Variants in TSPAN12 observed in about 807,000 individuals in gnomAD.
The protein encoded by TSPAN12 is tetraspanin 12, also known as tetraspanin-12.
In TSPAN12, 19 loss-of-function variants were observed where a neutral mutation model predicts 39.2. That is an observed-to-expected ratio of 0.49 (90% confidence interval 0.34 to 0.71). TSPAN12 has a LOEUF of 0.71. Ranked by LOEUF, TSPAN12 falls within the 30% of genes least tolerant of loss-of-function variation. The probability of loss-of-function intolerance (pLI) is 0.01; values close to 1 mark genes in which losing one functional copy is unlikely to be tolerated. For missense variants in TSPAN12, 314 were observed against 359.9 expected (o/e 0.87, Z 1.03); for synonymous variants, 119 against 124.8 (o/e 0.95, Z 0.31).
intron 5 of TSPAN12, among the ~76,000 whole-genome samples, chr7:120,810,925 A>C (rs1195973267): frequency 2.0e-5 from 3 of 152,212 alleles, no homozygotes; most frequent in Non-Finnish European, 2.9e-5. Flanking sequence ...CTGCAGAGAA[A>C]TGTCCTTCAT....
intron 4 of TSPAN12, among the ~76,000 whole-genome samples, chr7:120,816,732 T>C (rs1423556682): frequency 6.6e-6 from 1 of 152,092 alleles, no homozygotes; most frequent in East Asian, 1.9e-4. Context: ...TCAAAGGTTC[T>C]GAATAGGGGA....
chr7:120,848,519 G>A (rs1322085987), intron 2 of TSPAN12, among the ~76,000 whole-genome samples: 1 of 152,188 alleles, frequency 6.6e-6, no homozygotes. Flanking sequence ...AAGTTTTCCA[G>A]AAGAAAGATG....
At chr7:120,802,425 T>G (rs1255480612) in intron 7 of TSPAN12, among the ~76,000 whole-genome samples, 1 of 152,122 alleles carries the variant, frequency 6.6e-6, no homozygotes, top group Non-Finnish European at 1.5e-5. Flanking sequence ...CTTAAGTAAC[T>G]CCCTCACCAA....
intron 7 of TSPAN12, among the ~76,000 whole-genome samples, chr7:120,793,671 T>G (rs1051451995): frequency 3.3e-5 from 5 of 152,210 alleles, no homozygotes; most frequent in Admixed American, 6.5e-5. Flanking sequence ...ACAAGTTGTC[T>G]AAAAGAAATG....
chr7:120,790,825 T>A (rs776650650), intron 7 of TSPAN12, among the ~76,000 whole-genome samples: 1 of 152,198 alleles, frequency 6.6e-6, no homozygotes. Context: ...TTAATTTGCA[T>A]GGCAACTTCA....
At position 120,788,792 on chromosome 7, in the gene TSPAN12, G is replaced by A; in HGVS notation, c.718C>T (p.Leu240Phe). The change falls in exon 8 of 8, where the codon CTC becomes TTC. Residue 240 changes from leucine to phenylalanine, a missense_variant. Transcript: ENST00000222747. Reference sequence around the variant, plus strand: ...AGAGCCCAGAGCAGAGTAATGGTGAGAATCATGGCCAGGATTTGTGTCACC... The same window carrying A: ...AGAGCCCAGAGCAGAGTAATGGTGAAAATCATGGCCAGGATTTGTGTCACC... ...IGVTQILAMI[L>F]TITLLWALYY... 6.2e-7 allele frequency: 1 copy of A among 1,614,124 alleles called. No individual in the cohort carries two copies. The highest frequency in any genetic ancestry group is 1.1e-5 in the South Asian group (1 of 91,080).
At chr7:120,788,966 G>C (rs1793465936) in intron 7 of TSPAN12, 69 bp from the exon 8 acceptor site, 1 of 1,486,682 alleles carries the variant, frequency 6.7e-7, no homozygotes, top group Non-Finnish European at 9.4e-7. Flanking sequence ...GTTAATGAAA[G>C]CAAACAATCT....
chr7:120,852,241 T>C (rs897080584), intron 2 of TSPAN12, among the ~76,000 whole-genome samples: 3 of 152,038 alleles, frequency 2.0e-5, no homozygotes, highest in Non-Finnish European at 2.9e-5. Flanking sequence ...GGTACCAATA[T>C]AGTAAAAATA....
chr7:120,822,341 C>T (rs1293524131), intron 4 of TSPAN12, among the ~76,000 whole-genome samples: 1 of 151,884 alleles, frequency 6.6e-6, no homozygotes. Flanking sequence ...TACCACCACC[C>T]CCTAGGATTT....
At chr7:120,826,086 A>C (rs1018853173) in intron 4 of TSPAN12, among the ~76,000 whole-genome samples, 9 of 152,206 alleles carry the variant, frequency 5.9e-5, no homozygotes, top group Admixed American at 2.6e-4. Context: ...TCCTTTGTGC[A>C]TGCTTGTACT....
intron 4 of TSPAN12, among the ~76,000 whole-genome samples, chr7:120,828,639 T>C (rs1376188522): frequency 6.6e-5 from 10 of 150,850 alleles, no homozygotes; most frequent in African/African-American, 1.2e-4. Context: ...TGTTCCTTAG[T>C]GTTTTTTTCT....
chr7:120,816,215 G>A (rs1227089723), intron 4 of TSPAN12, among the ~76,000 whole-genome samples: 1 of 152,094 alleles, frequency 6.6e-6, no homozygotes, highest in Non-Finnish European at 1.5e-5. Context: ...GGCAATGGGG[G>A]TTGGGGGGTT....
chr7:120,824,558 A>T (rs1794249506), intron 4 of TSPAN12, among the ~76,000 whole-genome samples: 1 of 152,152 alleles, frequency 6.6e-6, no homozygotes, highest in Non-Finnish European at 1.5e-5. Flanking sequence ...GTTATTGTCA[A>T]TTTCATTCAA....
chr7:120,811,698 T>C (rs1236010038), intron 5 of TSPAN12, among the ~76,000 whole-genome samples: 1 of 151,150 alleles, frequency 6.6e-6, no homozygotes, highest in Non-Finnish European at 1.5e-5. Flanking sequence ...AGAAAATATA[T>C]ATACCATGGA....
At chr7:120,832,038 T>C (rs1352729961) in intron 4 of TSPAN12, among the ~76,000 whole-genome samples, 1 of 152,128 alleles carries the variant, frequency 6.6e-6, no homozygotes, top group Non-Finnish European at 1.5e-5. Flanking sequence ...GATATGTTTC[T>C]ATTATATAAA....
chr7:120,809,466 T>C lies in TSPAN12; in HGVS notation c.468+997A>G, dbSNP rs111416721. 6.4e-4 allele frequency among the ~76,000 whole-genome samples: 98 copies of C among 152,262 alleles called. 1 individual carries two copies. The highest frequency in any genetic ancestry group is 2.2e-3 in the African/African-American group (93 of 41,548). On this transcript the variant is annotated intron_variant, in intron 6 of 7. Coordinates refer to ENST00000222747, the MANE Select transcript of TSPAN12 (RefSeq NM_012338.4). Reference sequence around the variant, plus strand: ...AGGAAATCTGTGTTACAATGATAATTTTTACCATCTCAACAGTTGTACACA... The same window carrying C: ...AGGAAATCTGTGTTACAATGATAATCTTTACCATCTCAACAGTTGTACACA...
At chr7:120,846,127 C>G (rs1041678130) in intron 2 of TSPAN12, among the ~76,000 whole-genome samples, 1 of 152,130 alleles carries the variant, frequency 6.6e-6, no homozygotes, top group Admixed American at 6.5e-5. Context: ...AGGTGCTACA[C>G]ACTTTTAAAT....
chr7:120,834,582 CTT>C (rs1794443277), intron 4 of TSPAN12, among the ~76,000 whole-genome samples: 1 of 152,038 alleles, frequency 6.6e-6, no homozygotes. Flanking sequence ...GTTGCCAGCT[CTT>C]TTTTATATAT....
intron 2 of TSPAN12, among the ~76,000 whole-genome samples, chr7:120,844,792 A>T (rs2116484666): frequency 6.6e-6 from 1 of 152,272 alleles, no homozygotes; most frequent in South Asian, 2.1e-4. Context: ...GCAAGTCGTC[A>T]GTGGGTCTAT....
Sources: allele counts gnomAD v4.1 joint callset (sites outside exome capture counted in the v4.1 genomes callset), GRCh38; gene constraint gnomAD v4.1.1; transcripts MANE v1.5; gene names NCBI Gene and HGNC (gene_info 2026-07-23, HGNC 2026-07-21).